JHY: variants seen among roughly 807,000 people sequenced by gnomAD.
JHY encodes the protein junctional cadherin complex regulator.
JHY carries 69 observed loss-of-function variants against 78.0 expected under a neutral mutation model. The ratio of observed to expected loss-of-function variants is 0.88; its 90% CI spans 0.73 to 1.08. The LOEUF (loss-of-function observed/expected upper bound fraction) is 1.08, where lower values mean the gene tolerates loss of function less well. Among genes scored for constraint, JHY ranks in the 50% least tolerant of loss-of-function variants. JHY has a pLI of 0.00. For missense variants in JHY, 944 were observed against 927.8 expected, an observed-to-expected ratio of 1.02 and a Z score of -0.23; for synonymous variants, 368 against 342.6, an observed-to-expected ratio of 1.07 and a Z score of -0.82.
intron 2 of JHY, among the ~76,000 whole-genome samples, chr11:122,896,608 C>A (rs1292578548): frequency 1.3e-5 from 2 of 152,088 alleles, no homozygotes; most frequent in Non-Finnish European, 2.9e-5. Context: ...ATTAGGGAAC[C>A]ACTTAGTGTA....
rs560809357 is a variant in JHY at position 122,959,278 on chromosome 11, C to T, written c.2170C>T (p.Pro724Ser). The T allele has an allele frequency of 1.2e-6, 2 of 1,614,088 alleles. No homozygotes were observed. The highest frequency in any genetic ancestry group is 1.7e-5 in the Admixed American group (1 of 59,988). The part of the protein sequence containing the change: ...ALEYAKTIPK[P>S]KPSNLTHQAS... ...GGAATACGCTAAGACCATCCCCAAA[C>T]CCAAACCATCAAATCTGACTCATCA... The change falls in exon 9 of 9, where the codon CCC becomes TCC. Residue 724 changes from proline (P) to serine (S), a missense_variant. Physicochemically the swap from Pro to Ser is moderately conservative, Grantham distance 74 (BLOSUM62 -1). Coordinates refer to ENST00000227349, the MANE Select transcript of JHY (RefSeq NM_024806.4).
chr11:122,914,667 A>T (rs1863199785), intron 3 of JHY, among the ~76,000 whole-genome samples: 1 of 150,216 alleles, frequency 6.7e-6, no homozygotes, highest in Non-Finnish European at 1.5e-5. Context: ...CTGGTCTCGA[A>T]CTCCTGACCT....
At chr11:122,940,617 TTTATAAG>T (rs1863854988) in intron 5 of JHY, among the ~76,000 whole-genome samples, 1 of 152,192 alleles carries the variant, frequency 6.6e-6, no homozygotes, top group African/African-American at 2.4e-5. Context: ...ACATTTTCCC[TTTATAAG>T]TAATTATTAA....
chr11:122,886,109 A>G lies in JHY; in HGVS notation c.260A>G (p.Glu87Gly), dbSNP rs1591365102. The G allele has an allele frequency of 5.6e-6, 9 of 1,614,192 alleles. No homozygotes were observed. The highest frequency in any genetic ancestry group is 6.8e-6 in the Non-Finnish European group (8 of 1,180,040). ...EESPRWGSLH[E>G]MEEEASGKAA... ...AGCCCTCGATGGGGAAGCCTGCACG[A>G]GATGGAAGAGGAAGCAAGTGGAAAA... is the stretch of plus-strand genomic sequence containing the variant. Residue 87 changes from glutamate (E) to glycine (G), a missense_variant, in exon 2 of 9, where the codon GAG becomes GGG. Transcript: ENST00000227349.
intron 3 of JHY, among the ~76,000 whole-genome samples, chr11:122,912,948 C>T (rs1863162979): frequency 6.6e-6 from 1 of 152,098 alleles, no homozygotes; most frequent in Non-Finnish European, 1.5e-5. Flanking sequence ...CCACTAGGCA[C>T]TCCTTACACC....
rs139597846 is a variant in JHY at position 122,883,968 on chromosome 11, T to C, written c.-90+996T>C. Among the ~76,000 whole-genome samples the C allele has an allele frequency of 6.0e-3, 921 of 152,342 alleles. 8 individuals are homozygous for C. The highest frequency in any genetic ancestry group is 0.014 in the Middle Eastern group (4 of 294). Reference sequence around the variant, plus strand: ...AATTCAGTGACCTTAGCTCCTCCAGTAAAACCGGTGTTAAACAATCTCTTT... The same window carrying C: ...AATTCAGTGACCTTAGCTCCTCCAGCAAAACCGGTGTTAAACAATCTCTTT... On this transcript the variant is annotated intron_variant, in intron 1 of 8. Coordinates refer to ENST00000227349, the MANE Select transcript of JHY (RefSeq NM_024806.4). This position sits in a 1 kb window ranked among gnomAD's most constrained non-coding sequence, Gnocchi z 4.4.
intron 2 of JHY, among the ~76,000 whole-genome samples, chr11:122,894,230 C>A (rs910717798): frequency 3.9e-5 from 6 of 151,992 alleles, no homozygotes; most frequent in Non-Finnish European, 5.9e-5. Context: ...TCGCTTGAAC[C>A]CAGGAGGCGG....
At chr11:122,921,172 G>C (rs1180951563) in intron 3 of JHY, among the ~76,000 whole-genome samples, 1 of 152,176 alleles carries the variant, frequency 6.6e-6, no homozygotes, top group Non-Finnish European at 1.5e-5. Flanking sequence ...CCTGTGGAGG[G>C]AAATAATGTA....
intron 3 of JHY, among the ~76,000 whole-genome samples, chr11:122,911,585 C>A (rs1179978804): frequency 6.6e-6 from 1 of 152,120 alleles, no homozygotes. Flanking sequence ...GATAATACCT[C>A]AAAAGAGACT....
intron 5 of JHY, among the ~76,000 whole-genome samples, chr11:122,941,285 A>G (rs370569563): frequency 6.6e-6 from 1 of 152,196 alleles, no homozygotes; most frequent in Non-Finnish European, 1.5e-5. Context: ...AATTATGCCT[A>G]TGCCAATACA....
At position 122,903,911 on chromosome 11, in the gene JHY, T is replaced by A; in HGVS notation, c.345-14T>A. On this transcript the variant is annotated splice_polypyrimidine_tract_variant and intron_variant, in intron 2 of 8. Coordinates refer to ENST00000227349, the MANE Select transcript of JHY (RefSeq NM_024806.4). ...TCAACTAAGGACTTGGCATTTCTCTTCTGCTTTGGGCAGGCAACAACCAAT... is the reference window on the plus strand; with the variant it reads ...TCAACTAAGGACTTGGCATTTCTCTACTGCTTTGGGCAGGCAACAACCAAT... 1 of 1,544,756 alleles carries A rather than the reference T, an allele frequency of 6.5e-7. No individual in the cohort carries two copies. The highest frequency in any genetic ancestry group is 8.7e-7 in the Non-Finnish European group (1 of 1,146,994).
At chr11:122,886,344 C>G in intron 2 of JHY, 151 bp downstream of exon 2, 1 of 731,232 alleles carries the variant, frequency 1.4e-6, no homozygotes, top group Non-Finnish European at 2.2e-6. Context: ...TAGCTGGGCA[C>G]CATGTTTTTT....
intron 4 of JHY, among the ~76,000 whole-genome samples, chr11:122,925,486 A>G (rs1863476790): frequency 6.6e-6 from 1 of 152,236 alleles, no homozygotes; most frequent in African/African-American, 2.4e-5. Flanking sequence ...CTGGTCATTT[A>G]GCGTGATGAC....
intron 2 of JHY, among the ~76,000 whole-genome samples, chr11:122,895,248 G>C (rs970650170): frequency 1.3e-5 from 2 of 152,240 alleles, no homozygotes; most frequent in East Asian, 3.9e-4. Flanking sequence ...CTGTTTAAAA[G>C]GATTAAATTA....
At chr11:122,889,389 G>A (rs1050786643) in intron 2 of JHY, among the ~76,000 whole-genome samples, 1 of 152,162 alleles carries the variant, frequency 6.6e-6, no homozygotes, top group Non-Finnish European at 1.5e-5. Context: ...AGAATAAATG[G>A]ATGGTTGAAT....
chr11:122,904,293 T>C lies in JHY; in HGVS notation c.713T>C (p.Val238Ala). 6.2e-7 allele frequency: 1 copy of C among 1,614,040 alleles called. No homozygotes were observed. Reference protein sequence around the residue: ...YVKSSSSHNEVFLPGSRGPRR... With the variant: ...YVKSSSSHNEAFLPGSRGPRR... ...AAGAGCTCAAGTTCACATAACGAGG[T>C]TTTCCTGCCGGGATCACGTGGCCCT... is the stretch of plus-strand genomic sequence containing the variant. Residue 238 changes from valine to alanine, a missense_variant, in exon 3 of 9, where the codon GTT becomes GCT. Transcript: ENST00000227349.
intron 4 of JHY, among the ~76,000 whole-genome samples, chr11:122,928,851 T>C (rs2135347061): frequency 6.6e-6 from 1 of 152,212 alleles, no homozygotes; most frequent in East Asian, 1.9e-4. Flanking sequence ...GGTTTCACCG[T>C]GTTAGCCAGG....
chr11:122,924,349 T>A (rs1203208158), intron 3 of JHY, among the ~76,000 whole-genome samples: 1 of 152,192 alleles, frequency 6.6e-6, no homozygotes, highest in African/African-American at 2.4e-5. Flanking sequence ...CTGTTGATCC[T>A]GGGCAAATTA....
chr11:122,896,475 T>C (rs1221669332), intron 2 of JHY, among the ~76,000 whole-genome samples: 1 of 152,130 alleles, frequency 6.6e-6, no homozygotes, highest in Non-Finnish European at 1.5e-5. Flanking sequence ...AAATGTTTCA[T>C]CATGTGAAAG....
Sources: allele counts gnomAD v4.1 joint callset (sites outside exome capture counted in the v4.1 genomes callset), GRCh38; gene constraint gnomAD v4.1.1; non-coding constraint Gnocchi (gnomAD v3.1); transcripts MANE v1.5; gene names NCBI Gene and HGNC (gene_info 2026-07-23, HGNC 2026-07-21).